The following SAMMSON variants were observed in gnomAD, a reference collection of about 807,000 sequenced individuals.
SAMMSON encodes long intergenic non-protein coding RNA 1212.
At chr3:70,118,285 G>A (rs892965567) in intron 4 of SAMMSON, among the ~76,000 whole-genome samples, 1 of 152,156 alleles carries the variant, frequency 6.6e-6, no homozygotes, top group Non-Finnish European at 1.5e-5. Flanking sequence ...ACCATGAGAA[G>A]CACTTTGCAA....
intron 4 of SAMMSON, among the ~76,000 whole-genome samples, chr3:70,171,442 A>G (rs1434256788): frequency 6.6e-6 from 1 of 151,930 alleles, no homozygotes; most frequent in African/African-American, 2.4e-5. Flanking sequence ...CAGACATATC[A>G]AACCCATACT....
chr3:70,365,982 T>TC (rs1475562782), intron 9 of SAMMSON, among the ~76,000 whole-genome samples: 1 of 37,858 alleles, frequency 2.6e-5, no homozygotes, highest in African/African-American at 1.1e-4. Flanking sequence ...TTTTTTTTTT[T>TC]TTTTTTTTTT....
rs1373504507 is a variant in SAMMSON at position 70,080,710 on chromosome 3, A to G, written n.507+9145A>G. On this transcript the variant is annotated intron_variant and non_coding_transcript_variant, in intron 4 of 9. Coordinates refer to ENST00000642114, the Ensembl canonical transcript of SAMMSON. ...TGACTCCGTTTTTTTTTTTTTAACC[A>G]AATAATTTTTTTCCTTCCATTGTGT... 4.0e-5 allele frequency among the ~76,000 whole-genome samples: 6 copies of G among 151,664 alleles called. No individual in the cohort carries two copies. In the South Asian group the frequency reaches 6.2e-4, roughly 16 times the overall value.
chr3:70,001,856 A>G (rs2066907067), intron 1 of SAMMSON, among the ~76,000 whole-genome samples: 4 of 152,202 alleles, frequency 2.6e-5, no homozygotes, highest in Admixed American at 2.6e-4. Flanking sequence ...GCAATACCTG[A>G]TGCCCAGTGG....
At chr3:70,288,125 T>TG (rs1702187832) in intron 6 of SAMMSON, among the ~76,000 whole-genome samples, 1 of 145,804 alleles carries the variant, frequency 6.9e-6, no homozygotes, top group Non-Finnish European at 1.5e-5. Context: ...TGCTCTTGCT[T>TG]TTCTAGTTCT....
At chr3:70,011,499 A>G (rs919712127) in intron 1 of SAMMSON, among the ~76,000 whole-genome samples, 2 of 152,060 alleles carry the variant, frequency 1.3e-5, no homozygotes, top group Non-Finnish European at 2.9e-5. Flanking sequence ...TTTGTCTGTA[A>G]ATTTAACAAA....
At chr3:70,044,538 C>T (rs1168123386) in intron 3 of SAMMSON, among the ~76,000 whole-genome samples, 2 of 151,930 alleles carry the variant, frequency 1.3e-5, no homozygotes, top group African/African-American at 4.8e-5. Flanking sequence ...ACAGATCAAA[C>T]TGAAAAATCA....
intron 4 of SAMMSON, among the ~76,000 whole-genome samples, chr3:70,166,607 C>T (rs2067638262): frequency 6.6e-6 from 1 of 151,864 alleles, no homozygotes; most frequent in Non-Finnish European, 1.5e-5. Flanking sequence ...TCTGGCTGCT[C>T]CCGTAGAGGT....
intron 4 of SAMMSON, chr3:70,125,760 CTTTATTTTTCTCT>C: frequency 1.5e-6 from 1 of 659,952 alleles, no homozygotes; most frequent in South Asian, 1.7e-5. Flanking sequence ...TCAACATATC[CTTTATTTTTCTCT>C]TTTTTCTCAC....
intron 6 of SAMMSON, among the ~76,000 whole-genome samples, chr3:70,263,385 G>A (rs913741107): frequency 6.6e-6 from 1 of 152,080 alleles, no homozygotes; most frequent in Non-Finnish European, 1.5e-5. Context: ...TTTAGGGTAG[G>A]TCTATAGGAA....
chr3:70,250,954 A>C (rs1320312016), intron 6 of SAMMSON, among the ~76,000 whole-genome samples: 1 of 152,230 alleles, frequency 6.6e-6, no homozygotes, highest in African/African-American at 2.4e-5. Flanking sequence ...AGAAAGACAA[A>C]CTATTAAGTA....
intron 2 of SAMMSON, among the ~76,000 whole-genome samples, chr3:70,396,869 G>A (rs1701098080): frequency 6.6e-6 from 1 of 152,202 alleles, no homozygotes; most frequent in African/African-American, 2.4e-5. Context: ...GGAAGACAGA[G>A]TTTGAGAAGG....
chr3:70,351,297 C>T (rs1194946622), intron 7 of SAMMSON, among the ~76,000 whole-genome samples: 1 of 151,994 alleles, frequency 6.6e-6, no homozygotes, highest in Admixed American at 6.6e-5. Flanking sequence ...TGAATAAATA[C>T]CTGGATAGAG....
intron 4 of SAMMSON, among the ~76,000 whole-genome samples, chr3:70,243,022 T>C (rs1245550383): frequency 1.3e-5 from 2 of 152,168 alleles, no homozygotes; most frequent in Non-Finnish European, 2.9e-5. Flanking sequence ...TTTTGTGACA[T>C]GGGTTTTTAG....
At chr3:70,196,975 C>T in intron 4 of SAMMSON, 1 of 398,578 alleles carries the variant, frequency 2.5e-6, no homozygotes, top group Non-Finnish European at 4.4e-6. Context: ...CAGACACTCG[C>T]TGGTCTCATG....
intron 4 of SAMMSON, among the ~76,000 whole-genome samples, chr3:70,075,671 A>T (rs2067245817): frequency 6.6e-6 from 1 of 152,110 alleles, no homozygotes; most frequent in South Asian, 2.1e-4. Flanking sequence ...TTCAAAACCT[A>T]CTAGTGCTTT....
At chr3:70,182,188 A>G (rs1054594688) in intron 4 of SAMMSON, among the ~76,000 whole-genome samples, 5 of 152,214 alleles carry the variant, frequency 3.3e-5, no homozygotes, top group Admixed American at 6.5e-5. Flanking sequence ...ATATGCCCTC[A>G]GAAAGCTTGC....
intron 4 of SAMMSON, among the ~76,000 whole-genome samples, chr3:70,201,179 T>G (rs1701234432): frequency 6.6e-6 from 1 of 152,150 alleles, no homozygotes; most frequent in African/African-American, 2.4e-5. Context: ...TTATTTTTCC[T>G]GATCCTCTCC....
At chr3:70,314,570 G>C (rs1702482207) in intron 7 of SAMMSON, among the ~76,000 whole-genome samples, 1 of 151,980 alleles carries the variant, frequency 6.6e-6, no homozygotes, top group Non-Finnish European at 1.5e-5. Flanking sequence ...AGAGATAAAG[G>C]AAATTTAAGG....
Sources: gnomAD v4.1 joint callset for allele counts (sites outside exome capture counted in the v4.1 genomes callset) on GRCh38, gnomAD v4.1.1 for gene constraint, MANE v1.5 for transcripts, NCBI Gene and HGNC (gene_info 2026-07-23, HGNC 2026-07-21) for gene names.